EIF3E: variants seen among roughly 807,000 people sequenced by gnomAD.
The protein encoded by EIF3E is eIF-3 p48.
A neutral mutation model predicts 59.3 loss-of-function variants in EIF3E; 25 were observed. That is an observed-to-expected ratio of 0.42 (90% confidence interval 0.31 to 0.59). EIF3E has a LOEUF of 0.59. Ranked by LOEUF, EIF3E falls within the 20% of genes least tolerant of loss-of-function variation. The pLI is 0.15. For synonymous variants in EIF3E, 176 were observed against 170.2 expected (o/e 1.03, Z -0.26); for missense variants, 317 against 534.3 (o/e 0.59, Z 4.01).
chr8:108,247,443 TATATC>T (rs1308962909), intron 1 of EIF3E, among the ~76,000 whole-genome samples: 2 of 152,096 alleles, frequency 1.3e-5, no homozygotes, highest in African/African-American at 4.8e-5. Context: ...AAAGCAAAAA[TATATC>T]AAGAGAAAGT....
rs1340567858 is a variant in EIF3E, at chr8:108,203,581, A to C, written c.1062-78T>G. 4 of 1,081,450 alleles carry C rather than the reference A, an allele frequency of 3.7e-6. No individual in the cohort carries two copies. The African/African-American group carries it at 6.2e-5, about 17-fold the overall frequency. 67.0% of individuals were successfully genotyped at this position (1,081,450 alleles called of 1,614,324 possible). ...TTTTATGTACACAGTGTTGACTCACACTCTGCATAGATACTTTTTGGTATT... is the reference window on the plus strand; with the variant it reads ...TTTTATGTACACAGTGTTGACTCACCCTCTGCATAGATACTTTTTGGTATT... On this transcript the variant is annotated intron_variant, in intron 10 of 12. Coordinates refer to ENST00000220849, the MANE Select transcript of EIF3E (RefSeq NM_001568.3).
intron 4 of EIF3E, 54 bp from the exon 5 acceptor site, chr8:108,235,156 C>T (rs1815703779): frequency 9.0e-7 from 1 of 1,112,480 alleles, no homozygotes; most frequent in South Asian, 1.9e-5. Flanking sequence ...TTTAAAACCC[C>T]ATTGTAATTC....
At chr8:108,225,290 G>GT (rs1563632615) in intron 7 of EIF3E, among the ~76,000 whole-genome samples, 1 of 151,548 alleles carries the variant, frequency 6.6e-6, no homozygotes, top group East Asian at 1.9e-4. Flanking sequence ...TGGAAAATTT[G>GT]TATCAGCCAC....
chr8:108,234,973 A>C (rs776684138), intron 5 of EIF3E, 25 bp downstream of exon 5: 12 of 1,426,816 alleles, frequency 8.4e-6, no homozygotes, highest in Middle Eastern at 2.0e-4. Context: ...AAAAAAAAAA[A>C]AAAAAAACAT....
rs1283411951 is a variant in EIF3E, at chr8:108,201,749, G to C, written c.*136C>G. 1.4e-6 allele frequency: 1 copy of C among 716,254 alleles called. No individual in the cohort carries two copies. 44.4% of individuals were successfully genotyped at this position (716,254 alleles called of 1,614,324 possible). On this transcript the variant is annotated 3_prime_UTR_variant, in exon 13 of 13. Transcript: ENST00000220849. ...AAGAAAACTGACAGCAAGATAAAAT[G>C]AATCAATTTTATTCCAATTCTTCAA...
intron 2 of EIF3E, among the ~76,000 whole-genome samples, 174 bp downstream of exon 2, chr8:108,241,625 G>C (rs907341471): frequency 6.6e-6 from 1 of 152,170 alleles, no homozygotes; most frequent in Non-Finnish European, 1.5e-5. Context: ...TTCACAGGGA[G>C]AAAACAATAT....
Position 108,206,110 on chromosome 8 carries a change from C to A in EIF3E, c.1062-2607G>T, listed in dbSNP as rs545963976. ...TCATAAATATAACATGCCAGCCAAA[C>A]CAAACCAATCCTTTTACTTTGTTGA... On this transcript the variant is annotated intron_variant, in intron 10 of 12. Coordinates refer to ENST00000220849, the MANE Select transcript of EIF3E (RefSeq NM_001568.3). 3.9e-3 allele frequency among the ~76,000 whole-genome samples: 593 copies of A among 152,234 alleles called. 1 individual carries two copies. The highest frequency in any genetic ancestry group is 5.9e-3 in the Non-Finnish European group (402 of 68,010).
chr8:108,229,521 C>T (rs1815582477), intron 5 of EIF3E: 3 of 171,140 alleles, frequency 1.8e-5, no homozygotes, highest in Admixed American at 6.3e-5. Flanking sequence ...ACTTCAGAAA[C>T]CAAGTTAGAT....
rs58104020 is a variant in EIF3E at position 108,206,592 on chromosome 8, GCACACA to G, written c.1062-3095_1062-3090del. ...ACACAGCAAGATTCTGTGCACATGT[GCACACA>G]CACACACACACACACACACTGGCAT... On this transcript the variant is annotated intron_variant, in intron 10 of 12. Coordinates refer to ENST00000220849, the MANE Select transcript of EIF3E (RefSeq NM_001568.3). Among the ~76,000 whole-genome samples, 515 of 149,578 alleles carry G rather than the reference GCACACA, an allele frequency of 3.4e-3. 2 individuals carry two copies. Among genetic ancestry groups the G allele is most frequent in the African/African-American group, 0.01 (425 of 40,956 alleles).
intron 5 of EIF3E, among the ~76,000 whole-genome samples, chr8:108,231,327 A>G (rs756725760): frequency 1.2e-4 from 18 of 152,138 alleles, no homozygotes; most frequent in Non-Finnish European, 2.4e-4. Flanking sequence ...CAGATGTTAA[A>G]ATATGCAAAA....
chr8:108,209,038 C>G (rs531035721), intron 10 of EIF3E, among the ~76,000 whole-genome samples: 1 of 152,178 alleles, frequency 6.6e-6, no homozygotes, highest in East Asian at 1.9e-4. Flanking sequence ...CTGACTATCA[C>G]ATGTGCTTAC....
chr8:108,207,107 T>C (rs1449459115), intron 10 of EIF3E, among the ~76,000 whole-genome samples: 1 of 152,206 alleles, frequency 6.6e-6, no homozygotes, highest in Non-Finnish European at 1.5e-5. Flanking sequence ...TCAGTTTATC[T>C]AAGCTGCTGA....
chr8:108,248,496 A>AACCAAAC, intron 1 of EIF3E, 117 bp downstream of exon 1: 1 of 953,862 alleles, frequency 1.0e-6, no homozygotes, highest in Non-Finnish European at 1.6e-6. Context: ...TCCGTCCAGG[A>AACCAAAC]ACCAAACTCG....
intron 5 of EIF3E, among the ~76,000 whole-genome samples, chr8:108,230,024 G>C (rs2129899329): frequency 6.6e-6 from 1 of 152,180 alleles, no homozygotes; most frequent in African/African-American, 2.4e-5. Flanking sequence ...TCAAAACAAA[G>C]CAGCAGAAGT....
chr8:108,231,551 A>G (rs1249795280), intron 5 of EIF3E, among the ~76,000 whole-genome samples: 1 of 152,100 alleles, frequency 6.6e-6, no homozygotes, highest in East Asian at 1.9e-4. Context: ...AGACAGCTCC[A>G]AAAGTATAAC....
At position 108,217,256 on chromosome 8, in the gene EIF3E, A is replaced by G. The variant is rs1815320877; in HGVS notation, c.849+78T>C. ...AAAAACGTTTGTACCTTAAGAACTAAGTCTTACCTTAGAAAAAGAGGTTAG... is the reference window on the plus strand; with the variant it reads ...AAAAACGTTTGTACCTTAAGAACTAGGTCTTACCTTAGAAAAAGAGGTTAG... On this transcript the variant is annotated intron_variant, in intron 8 of 12. Coordinates refer to ENST00000220849, the MANE Select transcript of EIF3E (RefSeq NM_001568.3). The G allele has an allele frequency of 4.3e-6, 5 of 1,168,602 alleles. No individual in the cohort carries two copies. In the Admixed American group the frequency reaches 1.4e-4, roughly 34 times the overall value. The allele number at this position is 1,168,602 out of a possible 1,614,324, so 72.4% of individuals were successfully genotyped here. A position where few individuals can be genotyped will look rare whatever the true frequency, so the allele number is the denominator to read the frequency against.
chr8:108,217,314 A>C lies in EIF3E; in HGVS notation c.849+20T>G. 2.7e-6 allele frequency: 4 copies of C among 1,503,878 alleles called. No individual in the cohort carries two copies. The highest frequency in any genetic ancestry group is 2.7e-6 in the Non-Finnish European group (3 of 1,126,874). 93.2% of individuals were successfully genotyped at this position (1,503,878 alleles called of 1,614,324 possible). A position where few individuals can be genotyped will look rare whatever the true frequency, so the allele number is the denominator to read the frequency against. ...GCTTAGGTATTTAAAAAAAAAAATC[A>C]ATATATATTTTAGTTTTACCTGTTG... On this transcript the variant is annotated intron_variant, in intron 8 of 12. Transcript: ENST00000220849.
intron 11 of EIF3E, 109 bp from the exon 12 acceptor site, chr8:108,203,226 A>T (rs1815028613): frequency 1.1e-6 from 1 of 894,662 alleles, no homozygotes; most frequent in East Asian, 5.7e-5. Flanking sequence ...CTGTATAGAG[A>T]TGACAATATT....
rs201014486 is a variant in EIF3E, at chr8:108,203,094, A to G, written c.1188T>C (p.Asn396=). ...SKLGHVVMGN[N]AVSPYQQVIE... ...TCACTTGCTGATAGGGTGAGACTGC[A>G]TTGTTACCCATAACCACATGACCCT... is the stretch of plus-strand genomic sequence containing the variant. Residue 396 remains asparagine (N), a synonymous_variant, in exon 12 of 13, where the codon AAT becomes AAC. Transcript: ENST00000220849. 1 of 1,612,700 alleles carries G rather than the reference A, an allele frequency of 6.2e-7. No homozygotes were observed. Among genetic ancestry groups the G allele is most frequent in the Non-Finnish European group, 8.5e-7 (1 of 1,179,072 alleles).
Sources: gnomAD v4.1 joint callset for allele counts (sites outside exome capture counted in the v4.1 genomes callset) on GRCh38, gnomAD v4.1.1 for gene constraint, MANE v1.5 for transcripts, NCBI Gene and HGNC (gene_info 2026-07-23, HGNC 2026-07-21) for gene names.